The following TBCE variants were observed in gnomAD, a reference collection of about 807,000 sequenced individuals.
TBCE encodes tubulin-specific chaperone E.
A neutral mutation model predicts 77.0 loss-of-function variants in TBCE; 53 were observed. The observed-to-expected ratio is 0.69, with a 90% CI of 0.55 to 0.87. The LOEUF (loss-of-function observed/expected upper bound fraction) is 0.87, where lower values mean the gene tolerates loss of function less well. Among genes scored for constraint, TBCE ranks in the 40% least tolerant of loss-of-function variants. TBCE has a pLI of 0.00. For missense variants in TBCE, 624 were observed against 622.4 expected (o/e 1.00, Z -0.03); for synonymous variants, 235 against 241.3 (o/e 0.97, Z 0.24).
chr1:235,436,237 G>A, intron 9 of TBCE, 149 bp from the exon 10 acceptor site: 1 of 716,602 alleles, frequency 1.4e-6, no homozygotes, highest in Non-Finnish European at 2.4e-6. Context: ...CACTTTGCAT[G>A]TCCTAAGTTG....
intron 13 of TBCE, chr1:235,441,294 G>A (rs1681862591): frequency 6.1e-6 from 1 of 162,696 alleles, no homozygotes; most frequent in African/African-American, 2.4e-5. Context: ...CCAGGCCTAG[G>A]AACTGGTTTG....
chr1:235,430,888 T>C (rs1681046937), intron 7 of TBCE, 84 bp downstream of exon 7: 2 of 1,084,892 alleles, frequency 1.8e-6, no homozygotes, highest in African/African-American at 1.6e-5. Context: ...TACAGTTTAA[T>C]AGTACAACTG....
chr1:235,388,330 C>G (rs1678161048), intron 2 of TBCE, among the ~76,000 whole-genome samples: 1 of 146,780 alleles, frequency 6.8e-6, no homozygotes, highest in South Asian at 2.2e-4. Context: ...CTTTTGTTGC[C>G]CAGGCTGGAG....
In TBCE at chr1:235,424,561, A is replaced by G. The variant is rs558940627; in HGVS notation, c.461-2579A>G. Among the ~76,000 whole-genome samples the G allele has an allele frequency of 4.7e-5, 7 of 150,180 alleles. No homozygotes were observed. In the South Asian group the frequency reaches 1.3e-3, roughly 27 times the overall value. ...GTTCTTGTTGCCCAGGCTGGAGTGC[A>G]ATGGCATGATCTTGGCTCACTGTTA... On this transcript the variant is annotated intron_variant, in intron 5 of 16. Coordinates refer to ENST00000642610, the MANE Select transcript of TBCE (RefSeq NM_003193.5).
intron 5 of TBCE, among the ~76,000 whole-genome samples, chr1:235,423,259 C>G (rs1474633296): frequency 6.6e-6 from 1 of 152,000 alleles, no homozygotes; most frequent in Non-Finnish European, 1.5e-5. Flanking sequence ...GAGTCTGTGC[C>G]CAGGTGCTTG....
intron 4 of TBCE, chr1:235,419,218 GAA>G: frequency 1.8e-6 from 1 of 567,772 alleles, no homozygotes. Context: ...AAAGCAAAAA[GAA>G]AAGTTTACCT....
At chr1:235,427,418 G>A (rs1680788156) in intron 6 of TBCE, among the ~76,000 whole-genome samples, 179 bp downstream of exon 6, 1 of 152,174 alleles carries the variant, frequency 6.6e-6, no homozygotes. Context: ...TCCTCAGTAA[G>A]GTTTTCCTTT....
chr1:235,415,044 ATC>A lies in TBCE; in HGVS notation c.371+428_371+429del, dbSNP rs1680034398. 8.7e-5 allele frequency: 21 copies of A among 242,440 alleles called. No individual in the cohort carries two copies. The South Asian group carries it at 1.1e-3, about 13-fold the overall frequency. 15.0% of individuals were successfully genotyped at this position (242,440 alleles called of 1,614,324 possible). On this transcript the variant is annotated intron_variant, in intron 4 of 16. Transcript: ENST00000642610. ...GAGTAGTTCTCACCTCGGGCTGCACATCTTCATCACCTGGGGAGCTGTGGAAC... is the reference window on the plus strand; with the variant it reads ...GAGTAGTTCTCACCTCGGGCTGCACATTCATCACCTGGGGAGCTGTGGAAC...
intron 8 of TBCE, 129 bp from the exon 9 acceptor site, chr1:235,435,616 T>A: frequency 1.2e-6 from 1 of 849,802 alleles, no homozygotes. Flanking sequence ...AGGTTGCCCC[T>A]TTACAGTCAT....
intron 3 of TBCE, among the ~76,000 whole-genome samples, chr1:235,408,654 C>T (rs537850721): frequency 1.3e-5 from 2 of 152,292 alleles, no homozygotes; most frequent in South Asian, 4.1e-4. Flanking sequence ...ATCTACTGTA[C>T]TGCTTTACTC....
At chr1:235,383,292 G>T (rs935495938) in intron 2 of TBCE, among the ~76,000 whole-genome samples, 4 of 152,034 alleles carry the variant, frequency 2.6e-5, no homozygotes, top group African/African-American at 9.7e-5. Flanking sequence ...TTGACATGGC[G>T]ATGCGGGCTC....
chr1:235,374,739 G>T (rs1312397206), intron 1 of TBCE, among the ~76,000 whole-genome samples: 1 of 144,062 alleles, frequency 6.9e-6, no homozygotes, highest in Non-Finnish European at 1.5e-5. Flanking sequence ...GACCTCAGGT[G>T]AGTCACCCAC....
Position 235,447,629 on chromosome 1 carries a change from A to G in TBCE, c.1400-720A>G, listed in dbSNP as rs187517435. Among the ~76,000 whole-genome samples, 481 of 152,344 alleles carry G rather than the reference A, an allele frequency of 3.2e-3. 2 individuals are homozygous for G. Among genetic ancestry groups the G allele is most frequent in the African/African-American group, 0.011 (452 of 41,584 alleles). On this transcript the variant is annotated intron_variant, in intron 15 of 16. Transcript: ENST00000642610. The stretch of plus-strand genomic sequence containing the variant: ...AAGGCCAGAGTTGAGAGATGTCCTC[A>G]GGATACCTGAGTCCCATTCCAGTGT...
Position 235,383,015 on chromosome 1 carries a change from G to T in TBCE, c.100+2866G>T, listed in dbSNP as rs1348090635. Among the ~76,000 whole-genome samples, 4 of 143,656 alleles carry T rather than the reference G, an allele frequency of 2.8e-5. No homozygotes were observed. In the Admixed American group the frequency reaches 2.9e-4, roughly 10 times the overall value. 94.2% of individuals were successfully genotyped at this position (143,656 alleles called of 152,430 possible). A position where few individuals can be genotyped will look rare whatever the true frequency, so the allele number is the denominator to read the frequency against. ...GTATAAGGTGTAAGGAAGGGATCCAGTTTCAGCTTTCTACATATGGCTAGC... is the reference window on the plus strand; with the variant it reads ...GTATAAGGTGTAAGGAAGGGATCCATTTTCAGCTTTCTACATATGGCTAGC... On this transcript the variant is annotated intron_variant, in intron 2 of 16. Coordinates refer to ENST00000642610, the MANE Select transcript of TBCE (RefSeq NM_003193.5).
intron 5 of TBCE, among the ~76,000 whole-genome samples, chr1:235,424,571 T>A (rs1383638254): frequency 6.6e-6 from 1 of 151,710 alleles, no homozygotes; most frequent in Admixed American, 6.6e-5. Flanking sequence ...AATGGCATGA[T>A]CTTGGCTCAC....
rs369580927 is a variant in TBCE at position 235,401,806 on chromosome 1, A to G, written c.185+219A>G. Among the ~76,000 whole-genome samples, 582 of 139,162 alleles carry G rather than the reference A, an allele frequency of 4.2e-3. 4 individuals are homozygous for G. The highest frequency in any genetic ancestry group is 0.015 in the African/African-American group (554 of 36,878). The allele number at this position is 139,162 out of a possible 152,430, so 91.3% of individuals were successfully genotyped here. On this transcript the variant is annotated intron_variant, in intron 3 of 16. Transcript: ENST00000642610. The stretch of plus-strand genomic sequence containing the variant: ...AAAATTCTGACTCTTGACCTTATGC[A>G]TGGCGTTGCTTTCTTCGTCCTTTTT...
chr1:235,440,197 C>T (rs764899568), intron 13 of TBCE, among the ~76,000 whole-genome samples: 45 of 152,106 alleles, frequency 3.0e-4, no homozygotes, highest in Non-Finnish European at 4.9e-4. Flanking sequence ...GTCTCGATCT[C>T]CTGACCTTGT....
chr1:235,428,543 G>A (rs998788072), intron 6 of TBCE, among the ~76,000 whole-genome samples: 4 of 152,036 alleles, frequency 2.6e-5, no homozygotes, highest in Non-Finnish European at 4.4e-5. Flanking sequence ...CAGCTGCTTC[G>A]CTAGTAGACA....
intron 1 of TBCE, among the ~76,000 whole-genome samples, chr1:235,371,853 AG>A (rs1216262956): frequency 2.0e-5 from 3 of 152,032 alleles, no homozygotes; most frequent in Admixed American, 1.3e-4. Context: ...TTGTTTTTTT[AG>A]TAGAGGTGGG....
Sources: allele counts gnomAD v4.1 joint callset (sites outside exome capture counted in the v4.1 genomes callset), GRCh38; gene constraint gnomAD v4.1.1; transcripts MANE v1.5; gene names NCBI Gene and HGNC (gene_info 2026-07-23, HGNC 2026-07-21).